The following AKAP6 variants were observed in gnomAD, a reference collection of about 807,000 sequenced individuals.
AKAP6 encodes the protein A-kinase anchoring protein 6.
In AKAP6, 58 loss-of-function variants were observed where a neutral mutation model predicts 188.5. That is an observed-to-expected ratio of 0.31 (90% CI 0.25 to 0.38). The LOEUF is 0.38. Among genes scored for constraint, AKAP6 ranks in the 10% least tolerant of loss-of-function variants. AKAP6 has a pLI of 1.00. For missense variants in AKAP6, 2,710 were observed against 2,740.0 expected (o/e 0.99, Z 0.24); for synonymous variants, 989 against 998.6 (o/e 0.99, Z 0.18).
chr14:32,557,593 T>C (rs1883745974), intron 4 of AKAP6, among the ~76,000 whole-genome samples: 1 of 152,230 alleles, frequency 6.6e-6, no homozygotes, highest in Non-Finnish European at 1.5e-5. Context: ...CCAGTGTTCC[T>C]AGTGTTGATG....
intron 2 of AKAP6, among the ~76,000 whole-genome samples, chr14:32,477,690 G>C (rs1879143351): frequency 6.6e-6 from 1 of 152,180 alleles, no homozygotes; most frequent in Non-Finnish European, 1.5e-5. Context: ...TATTTAGCCA[G>C]ATCTTTTCAG....
intron 7 of AKAP6, among the ~76,000 whole-genome samples, chr14:32,667,406 C>A (rs937842524): frequency 2.6e-5 from 4 of 151,980 alleles, no homozygotes; most frequent in African/African-American, 7.2e-5. Flanking sequence ...ACATGCATGC[C>A]ACCTGAGACA....
intron 11 of AKAP6, among the ~76,000 whole-genome samples, chr14:32,742,380 T>A (rs2031719959): frequency 6.6e-6 from 1 of 151,994 alleles, no homozygotes; most frequent in South Asian, 2.1e-4. Flanking sequence ...TCTGCTCTGA[T>A]CTTCATTATT....
rs117170581 is a variant in AKAP6, at chr14:32,651,099, C to T, written c.2731-27212C>T. 6.7e-3 allele frequency among the ~76,000 whole-genome samples: 1,022 copies of T among 152,270 alleles called. 5 individuals are homozygous for T. Among genetic ancestry groups the T allele is most frequent in the Non-Finnish European group, 0.011 (763 of 68,012 alleles). ...TGGGACTTGTGTAGGTTATTTGGTG[C>T]TCCTCATACTGACTGGTCATAGGAA... On this transcript the variant is annotated intron_variant, in intron 7 of 13. Coordinates refer to ENST00000280979, the MANE Select transcript of AKAP6 (RefSeq NM_004274.5).
At chr14:32,334,149 A>G (rs1886616826) in intron 1 of AKAP6, among the ~76,000 whole-genome samples, 1 of 152,192 alleles carries the variant, frequency 6.6e-6, no homozygotes. Flanking sequence ...CCATGGCAAC[A>G]GAGTTTTAGG....
chr14:32,377,436 C>T (rs968013522), intron 1 of AKAP6, among the ~76,000 whole-genome samples: 3 of 152,154 alleles, frequency 2.0e-5, no homozygotes, highest in African/African-American at 7.2e-5. Flanking sequence ...TCTCTGACAA[C>T]CTCCCACATT....
intron 5 of AKAP6, among the ~76,000 whole-genome samples, chr14:32,594,906 C>T (rs1339340806): frequency 6.6e-6 from 1 of 152,162 alleles, no homozygotes; most frequent in Non-Finnish European, 1.5e-5. Flanking sequence ...ATGTCTTTCA[C>T]ATTTGGAGAC....
At chr14:32,347,029 G>A (rs184461105) in intron 1 of AKAP6, among the ~76,000 whole-genome samples, 43 of 152,290 alleles carry the variant, frequency 2.8e-4, no homozygotes, top group African/African-American at 1.0e-3. Context: ...ATTTCATACA[G>A]TCTGTTTGAT....
chr14:32,506,006 C>T (rs939341932), intron 2 of AKAP6, among the ~76,000 whole-genome samples: 12 of 151,896 alleles, frequency 7.9e-5, no homozygotes, highest in African/African-American at 2.7e-4. Flanking sequence ...GGCTAAGCGT[C>T]GTGGCATGGA....
chr14:32,352,102 TTTGTGTGTG>T (rs1566458714), intron 1 of AKAP6, among the ~76,000 whole-genome samples: 174 of 97,006 alleles, frequency 1.8e-3, no homozygotes, highest in Non-Finnish European at 2.7e-3. Context: ...TGTGTGTGTG[TTTGTGTGTG>T]TGTGTGTGTG....
chr14:32,392,520 C>G (rs1192521810), intron 1 of AKAP6, among the ~76,000 whole-genome samples: 1 of 152,062 alleles, frequency 6.6e-6, no homozygotes, highest in African/African-American at 2.4e-5. Flanking sequence ...GTCCTAGAAA[C>G]AGTGAAAGCC....
intron 1 of AKAP6, among the ~76,000 whole-genome samples, chr14:32,372,691 G>A (rs777899736): frequency 6.6e-6 from 1 of 151,662 alleles, no homozygotes; most frequent in Non-Finnish European, 1.5e-5. Flanking sequence ...GGAGGAATTA[G>A]GAACCCCACA....
At chr14:32,816,748 C>A (rs1406655558) in intron 12 of AKAP6, among the ~76,000 whole-genome samples, 1 of 152,104 alleles carries the variant, frequency 6.6e-6, no homozygotes, top group Admixed American at 6.6e-5. Flanking sequence ...AATATGTACA[C>A]CTTTATTCAA....
intron 8 of AKAP6, among the ~76,000 whole-genome samples, chr14:32,689,293 T>C (rs1052727992): frequency 3.5e-4 from 53 of 152,226 alleles, no homozygotes; most frequent in African/African-American, 1.2e-3. Context: ...GATTATCTCG[T>C]TGGTTAGAAT....
At chr14:32,562,689 C>T (rs982674751) in intron 4 of AKAP6, among the ~76,000 whole-genome samples, 50 of 152,054 alleles carry the variant, frequency 3.3e-4, no homozygotes, top group African/African-American at 1.1e-3. Flanking sequence ...ACCTGGGAGG[C>T]GGAGTTTGCA....
At chr14:32,384,239 G>T (rs1276340425) in intron 1 of AKAP6, among the ~76,000 whole-genome samples, 2 of 152,150 alleles carry the variant, frequency 1.3e-5, no homozygotes, top group Non-Finnish European at 2.9e-5. Context: ...AATGGGAGGA[G>T]GGCTTTCTTT....
Position 32,535,668 on chromosome 14 carries a change from G to A in AKAP6, c.439G>A (p.Val147Met), listed in dbSNP as rs1456917777. The A allele has an allele frequency of 6.2e-7, 1 of 1,614,244 alleles. No individual in the cohort carries two copies. The highest frequency in any genetic ancestry group is 8.5e-7 in the Non-Finnish European group (1 of 1,180,018). ...SVNVIVDIHA[V>M]QLLWHQLRVS... ...CAACGTGATAGTGGACATCCACGCA[G>A]TGCAGCTCCTCTGGCACCAGCTTCG... The change falls in exon 3 of 14, where the codon GTG becomes ATG. Residue 147 changes from valine to methionine, a missense_variant. Around this residue, in one of 2 missense-constraint regions of AKAP6, gnomAD observed 237 missense variants for 313.9 expected, o/e 0.76. Coordinates refer to ENST00000280979, the MANE Select transcript of AKAP6 (RefSeq NM_004274.5).
intron 12 of AKAP6, among the ~76,000 whole-genome samples, chr14:32,804,882 C>T (rs1220909297): frequency 6.6e-6 from 1 of 152,236 alleles, no homozygotes; most frequent in East Asian, 1.9e-4. Flanking sequence ...CCTACTTGCA[C>T]GTCTGTTTAT....
Position 32,641,151 on chromosome 14 carries a change from A to G in AKAP6, c.2731-37160A>G, listed in dbSNP as rs148549013. On this transcript the variant is annotated intron_variant, in intron 7 of 13. Coordinates refer to ENST00000280979, the MANE Select transcript of AKAP6 (RefSeq NM_004274.5). ...AAAATGTTTTGGGACTGATAAAAACATGCCCATTCTCCATCTATGATGGTA... is the reference window on the plus strand; with the variant it reads ...AAAATGTTTTGGGACTGATAAAAACGTGCCCATTCTCCATCTATGATGGTA... Among the ~76,000 whole-genome samples, 1,060 of 152,270 alleles carry G rather than the reference A, an allele frequency of 7.0e-3. 9 individuals carry two copies. The highest frequency in any genetic ancestry group is 0.031 in the Middle Eastern group (9 of 294).
Sources: gnomAD v4.1 joint callset for allele counts (sites outside exome capture counted in the v4.1 genomes callset) on GRCh38, gnomAD v4.1.1 for gene constraint, gnomAD v4.1.1 regional missense constraint, MANE v1.5 for transcripts, NCBI Gene and HGNC (gene_info 2026-07-23, HGNC 2026-07-21) for gene names.